Variants in DNAH14 observed in about 807,000 individuals in gnomAD.
DNAH14 encodes dynein axonemal heavy chain 14.
DNAH14 carries 478 observed loss-of-function variants against 520.9 expected under a neutral mutation model. That is an observed-to-expected ratio of 0.92 (90% CI 0.85 to 0.99). The LOEUF is 0.99. Ranked by LOEUF, DNAH14 falls within the 50% of genes least tolerant of loss-of-function variation. The pLI is 0.00. For missense variants in DNAH14, 4,831 were observed against 5,234.5 expected (o/e 0.92, Z 2.38); for synonymous variants, 1,581 against 1,757.2 (o/e 0.90, Z 2.51).
intron 41 of DNAH14, among the ~76,000 whole-genome samples, chr1:225,211,991 T>TACATACAA (rs2149455166): frequency 6.6e-6 from 1 of 152,072 alleles, no homozygotes; most frequent in Non-Finnish European, 1.5e-5. Context: ...TGTGCCTTGT[T>TACATACAA]GGTGTGCTGC....
At chr1:225,360,283 TTGAG>T (rs1272321408) in intron 74 of DNAH14, among the ~76,000 whole-genome samples, 1 of 152,248 alleles carries the variant, frequency 6.6e-6, no homozygotes, top group Non-Finnish European at 1.5e-5. Flanking sequence ...TTCTTTGCTA[TTGAG>T]TATTACACAA....
Position 225,374,751 on chromosome 1 carries a change from C to T in DNAH14, c.12382C>T (p.Arg4128Cys), listed in dbSNP as rs777103417. 4.3e-5 allele frequency: 67 copies of T among 1,551,380 alleles called. No homozygotes were observed. In the Middle Eastern group the frequency reaches 5.0e-4, roughly 12 times the overall value. Residue 4128 changes from arginine to cysteine, a missense_variant, in exon 78 of 86, where the codon CGC becomes TGC. Arg to Cys is a radical substitution (Grantham distance 180, BLOSUM62 -3). Transcript: ENST00000682510. ...GQPSISWQALRYLIGEVIYGG... is the reference protein window; with the variant it reads ...GQPSISWQALCYLIGEVIYGG... ...GCCCAGCATTTCGTGGCAAGCACTG[C>T]GCTACCTGATTGGAGAAGTGATTTA...
In DNAH14 at chr1:225,193,055, G is replaced by C; in HGVS notation, c.5886+144G>C. On this transcript the variant is annotated intron_variant, in intron 38 of 85. Transcript: ENST00000682510. ...ATCTTATGAATAGTTTTTAAAAAGA[G>C]AAAAATTATGTTATTAAAAAATGGA... 4.7e-6 allele frequency: 3 copies of C among 635,222 alleles called. No individual in the cohort carries two copies. In the South Asian group the frequency reaches 9.4e-5, roughly 20 times the overall value. The allele number at this position is 635,222 out of a possible 1,614,324, so 39.3% of individuals were successfully genotyped here.
At chr1:225,260,611 T>C (rs991358520) in intron 46 of DNAH14, among the ~76,000 whole-genome samples, 1 of 152,128 alleles carries the variant, frequency 6.6e-6, no homozygotes, top group African/African-American at 2.4e-5. Flanking sequence ...CAAGCTTTTT[T>C]TTTTCCCCCC....
chr1:225,205,361 T>C (rs565034019), intron 39 of DNAH14, among the ~76,000 whole-genome samples: 1 of 152,282 alleles, frequency 6.6e-6, no homozygotes, highest in East Asian at 1.9e-4. Context: ...AATGTGCCCA[T>C]CTGTCAACCA....
intron 83 of DNAH14, among the ~76,000 whole-genome samples, chr1:225,391,671 AGCTGGGTGGCT>A (rs2095915505): frequency 6.6e-6 from 1 of 152,040 alleles, no homozygotes; most frequent in Admixed American, 6.6e-5. Context: ...TGGCTTGGAA[AGCTGGGTGGCT>A]GCTGGCGTCA....
At chr1:225,190,723 C>T (rs372574836) in intron 37 of DNAH14, among the ~76,000 whole-genome samples, 1 of 151,960 alleles carries the variant, frequency 6.6e-6, no homozygotes, top group South Asian at 2.1e-4. Flanking sequence ...GAAAAGACCA[C>T]ATGAAGACAC....
At chr1:225,370,415 G>A (rs1197712254) in intron 77 of DNAH14, among the ~76,000 whole-genome samples, 1 of 151,782 alleles carries the variant, frequency 6.6e-6, no homozygotes, top group Non-Finnish European at 1.5e-5. Flanking sequence ...AGCCACTCGG[G>A]AGGCTGAGGC....
chr1:225,004,934 G>C (rs1244343990), intron 9 of DNAH14, among the ~76,000 whole-genome samples: 2 of 152,160 alleles, frequency 1.3e-5, no homozygotes, highest in African/African-American at 4.8e-5. Flanking sequence ...TACCTTTAAA[G>C]AGGGTGGAAT....
At chr1:225,082,982 T>A (rs1340159122) in intron 20 of DNAH14, among the ~76,000 whole-genome samples, 1 of 152,190 alleles carries the variant, frequency 6.6e-6, no homozygotes, top group East Asian at 1.9e-4. Context: ...TTTTCATGTA[T>A]GACAGATAAA....
At chr1:225,382,985 C>G (rs1423243992) in intron 81 of DNAH14, among the ~76,000 whole-genome samples, 1 of 152,114 alleles carries the variant, frequency 6.6e-6, no homozygotes, top group Non-Finnish European at 1.5e-5. Flanking sequence ...ATTCCATTTA[C>G]AAGAAATGTC....
chr1:225,328,070 TGAGA>T (rs144090516), intron 64 of DNAH14, among the ~76,000 whole-genome samples: 7,917 of 152,148 alleles, frequency 0.052, 649 homozygotes, highest in African/African-American at 0.18. Context: ...TCCCAAGTCT[TGAGA>T]GAGAGATAGA....
intron 36 of DNAH14, among the ~76,000 whole-genome samples, chr1:225,181,394 A>G (rs1467184329): frequency 2.0e-5 from 3 of 152,136 alleles, no homozygotes; most frequent in Non-Finnish European, 2.9e-5. Context: ...GTTCTTTGAG[A>G]CATCTCCAAA....
chr1:224,998,519 C>G (rs1248969917), intron 8 of DNAH14, among the ~76,000 whole-genome samples: 17 of 152,060 alleles, frequency 1.1e-4, no homozygotes, highest in Admixed American at 1.1e-3. Flanking sequence ...TTCTCTTTGA[C>G]CCATTTTGCA....
rs56918103 is a variant in DNAH14, at chr1:225,338,162, C to T, written c.10413C>T (p.Phe3471=). The T allele has an allele frequency of 6.4e-6, 10 of 1,551,418 alleles. No individual in the cohort carries two copies. The South Asian group carries it at 7.1e-5, about 11-fold the overall frequency. Reference sequence around the variant, plus strand: ...TCATAAGGGTTGGTGATGCTGAGTTCGAATACAATTCAAATTTTAGGTAAT... The same window carrying T: ...TCATAAGGGTTGGTGATGCTGAGTTTGAATACAATTCAAATTTTAGGTAAT... ...HYFIRVGDAE[F]EYNSNFRLYL... is the part of the protein sequence containing the mutation. The change falls in exon 68 of 86, where the codon TTC becomes TTT. Residue 3471 remains phenylalanine, a synonymous_variant. Coordinates refer to ENST00000682510, the MANE Select transcript of DNAH14 (RefSeq NM_001367479.1).
intron 10 of DNAH14, among the ~76,000 whole-genome samples, chr1:225,007,887 G>A (rs1287324898): frequency 6.7e-6 from 1 of 150,344 alleles, no homozygotes; most frequent in Non-Finnish European, 1.5e-5. Flanking sequence ...AGAGATTTCT[G>A]TTTCAGTAGG....
chr1:225,264,396 T>C (rs956726960), intron 47 of DNAH14, 135 bp downstream of exon 47: 2 of 791,790 alleles, frequency 2.5e-6, no homozygotes, highest in African/African-American at 3.5e-5. Context: ...TCTCAAAAAC[T>C]ATCCCACACC....
At chr1:225,350,825 A>T (rs71646717) in intron 71 of DNAH14, among the ~76,000 whole-genome samples, 1 of 152,132 alleles carries the variant, frequency 6.6e-6, no homozygotes, top group Non-Finnish European at 1.5e-5. Flanking sequence ...AAAAATTAAC[A>T]TAAATTTTCC....
At chr1:225,104,452 A>C (rs2148763858) in intron 23 of DNAH14, among the ~76,000 whole-genome samples, 1 of 152,304 alleles carries the variant, frequency 6.6e-6, no homozygotes, top group Middle Eastern at 3.4e-3. Context: ...ATTGTTTCAG[A>C]AGGAATGGTA....
Sources: gnomAD v4.1 joint callset for allele counts (sites outside exome capture counted in the v4.1 genomes callset) on GRCh38, gnomAD v4.1.1 for gene constraint, MANE v1.5 for transcripts, NCBI Gene and HGNC (gene_info 2026-07-23, HGNC 2026-07-21) for gene names.